CHRM5: variants seen among roughly 807,000 people sequenced by gnomAD.
CHRM5 encodes the protein muscarinic acetylcholine receptor M5.
CHRM5 carries 18 observed loss-of-function variants against 39.0 expected under a neutral mutation model. The ratio of observed to expected loss-of-function variants is 0.46; its 90% confidence interval spans 0.32 to 0.68. The LOEUF (loss-of-function observed/expected upper bound fraction) is 0.68. Among genes scored for constraint, CHRM5 ranks in the 30% least tolerant of loss-of-function variants. The probability of loss-of-function intolerance (pLI) is 0.04; values close to 1 mark genes in which losing one functional copy is unlikely to be tolerated. For missense variants in CHRM5, 515 were observed against 651.1 expected (o/e 0.79, Z 2.28); for synonymous variants, 241 against 246.3 (o/e 0.98, Z 0.20).
chr15:33,985,516 G>A (rs554538841), intron 1 of CHRM5, among the ~76,000 whole-genome samples: 13 of 151,902 alleles, frequency 8.6e-5, no homozygotes, highest in Non-Finnish European at 1.6e-4. Flanking sequence ...TTGCTTGCTG[G>A]AAACACAACT....
At chr15:34,048,022 CGT>C (rs71119921) in intron 2 of CHRM5, among the ~76,000 whole-genome samples, 4 of 151,354 alleles carry the variant, frequency 2.6e-5, no homozygotes, top group African/African-American at 4.8e-5. Context: ...ACGTCCAGCT[CGT>C]GTGTGTGTGT....
Position 33,974,899 on chromosome 15 carries a change from G to C in CHRM5, c.-408+5749G>C, listed in dbSNP as rs749514586. ...GGGCCGGAGAATCGCTTGAACCCAG[G>C]AGGTGGAGCTTGCAGTGAGCCAAGA... On this transcript the variant is annotated intron_variant, in intron 1 of 2. Transcript: ENST00000383263. Among the ~76,000 whole-genome samples, 3 of 152,206 alleles carry C rather than the reference G, an allele frequency of 2.0e-5. No individual in the cohort carries two copies. In the South Asian group the frequency reaches 6.2e-4, roughly 32 times the overall value.
At chr15:33,988,001 C>T (rs1229971661) in intron 1 of CHRM5, among the ~76,000 whole-genome samples, 2 of 152,218 alleles carry the variant, frequency 1.3e-5, no homozygotes, top group Non-Finnish European at 2.9e-5. Context: ...GACCAACTTC[C>T]ATAGGCCAAA....
In CHRM5 at chr15:34,064,371, A is replaced by T. The variant is rs1900455894; in HGVS notation, c.*55A>T. 1 of 1,520,370 alleles carries T rather than the reference A, an allele frequency of 6.6e-7. No homozygotes were observed. The allele number at this position is 1,520,370 out of a possible 1,614,324, so 94.2% of individuals were successfully genotyped here. On this transcript the variant is annotated 3_prime_UTR_variant, in exon 3 of 3. Coordinates refer to ENST00000383263, the MANE Select transcript of CHRM5 (RefSeq NM_012125.4). ...TGACCACAGTCAACATCCTCTGAGG[A>T]TGAGCAAGCTGATTCTGGTTTGTAT...
At chr15:34,037,120 A>G (rs76418984) in intron 1 of CHRM5, among the ~76,000 whole-genome samples, 1 of 150,686 alleles carries the variant, frequency 6.6e-6, no homozygotes, top group Non-Finnish European at 1.5e-5. Flanking sequence ...AAAAAAAAAA[A>G]AAAAATATAT....
At chr15:33,985,561 G>A (rs1346644458) in intron 1 of CHRM5, among the ~76,000 whole-genome samples, 1 of 151,922 alleles carries the variant, frequency 6.6e-6, no homozygotes, top group East Asian at 1.9e-4. Context: ...TCAGAGCCTT[G>A]CATTCTTGAC....
chr15:34,011,159 T>C (rs1442007866), intron 1 of CHRM5, among the ~76,000 whole-genome samples: 1 of 152,026 alleles, frequency 6.6e-6, no homozygotes, highest in Non-Finnish European at 1.5e-5. Context: ...GCCACTGCAC[T>C]CCAGCCTGGG....
At chr15:34,004,854 T>A (rs1463505982) in intron 1 of CHRM5, among the ~76,000 whole-genome samples, 2 of 152,112 alleles carry the variant, frequency 1.3e-5, no homozygotes, top group East Asian at 3.8e-4. Context: ...GAGATGCATG[T>A]AGAATCTAAA....
At chr15:34,021,169 T>C (rs2632107) in intron 1 of CHRM5, among the ~76,000 whole-genome samples, 95,280 of 152,076 alleles carry the variant, frequency 0.63, 34,871 homozygotes, top group Non-Finnish European at 0.82. Context: ...AATTTTTCTA[T>C]GAAAAAATTG....
In CHRM5 at chr15:34,063,568, C is replaced by A. The variant is rs1395929593; in HGVS notation, c.851C>A (p.Pro284Gln). Residue 284 changes from proline (P) to glutamine (Q), a missense_variant, in exon 3 of 3, where the codon CCA becomes CAA. Transcript: ENST00000383263. The surrounding 1 kb of genome is among the most constrained non-coding windows in gnomAD (Gnocchi z 4.1). ...SRRSTSTTGK[P>Q]SQATGPSANW... Reference sequence around the variant, plus strand: ...AGGAGCACCTCCACCACTGGGAAGCCATCCCAAGCCACTGGCCCAAGCGCC... The same window carrying A: ...AGGAGCACCTCCACCACTGGGAAGCAATCCCAAGCCACTGGCCCAAGCGCC... The A allele has an allele frequency of 3.1e-6, 5 of 1,613,688 alleles. No homozygotes were observed. The highest frequency in any genetic ancestry group is 3.4e-6 in the Non-Finnish European group (4 of 1,180,012).
At chr15:34,025,712 G>GA (rs200928981) in intron 1 of CHRM5, among the ~76,000 whole-genome samples, 9 of 151,708 alleles carry the variant, frequency 5.9e-5, no homozygotes, top group Non-Finnish European at 1.3e-4. Flanking sequence ...AGGTTCAGAA[G>GA]AAAAAAAAAT....
At chr15:34,014,793 G>C (rs1247430148) in intron 1 of CHRM5, among the ~76,000 whole-genome samples, 4 of 152,234 alleles carry the variant, frequency 2.6e-5, no homozygotes, top group African/African-American at 7.2e-5. Flanking sequence ...TGAAGGAGCT[G>C]AGAATGTGGC....
intron 1 of CHRM5, among the ~76,000 whole-genome samples, chr15:34,035,976 T>A (rs961948645): frequency 1.2e-4 from 18 of 152,024 alleles, no homozygotes; most frequent in Non-Finnish European, 1.6e-4. Flanking sequence ...GTATTTTTTT[T>A]ATAGAGAGGG....
At chr15:34,049,305 A>G (rs1162564798) in intron 2 of CHRM5, among the ~76,000 whole-genome samples, 4 of 152,192 alleles carry the variant, frequency 2.6e-5, no homozygotes, top group Non-Finnish European at 5.9e-5. Flanking sequence ...GCTATGAATC[A>G]TGAGAAAACA....
chr15:34,049,557 A>C, intron 2 of CHRM5, among the ~76,000 whole-genome samples: 1 of 152,224 alleles, frequency 6.6e-6, no homozygotes, highest in East Asian at 1.9e-4. Flanking sequence ...CCCATGACTG[A>C]TTGGGGTACC....
intron 1 of CHRM5, among the ~76,000 whole-genome samples, chr15:34,008,979 C>CA (rs1233898744): frequency 1.4e-5 from 2 of 144,826 alleles, no homozygotes; most frequent in Non-Finnish European, 3.1e-5. Context: ...CACACACAGA[C>CA]CATCGAGAAA....
intron 1 of CHRM5, among the ~76,000 whole-genome samples, chr15:34,008,914 TTAAGA>T (rs139308033): frequency 0.075 from 11,347 of 150,816 alleles, 549 homozygotes; most frequent in South Asian, 0.21. Context: ...CTCCATTTTG[TTAAGA>T]TAAAATTAAA....
rs1399753646 is a variant in CHRM5 at position 34,039,195 on chromosome 15, C to G, written c.-407-7345C>G. On this transcript the variant is annotated intron_variant, in intron 1 of 2. Coordinates refer to ENST00000383263, the MANE Select transcript of CHRM5 (RefSeq NM_012125.4). ...GGGGTGCGGGGCTAGGGATCGAGGC[C>G]GGCCGCAGCGGAGCGGGGCGGGGCG... The G allele has an allele frequency of 4.7e-6, 3 of 635,736 alleles. No individual in the cohort carries two copies. In the South Asian group the frequency reaches 2.1e-4, roughly 45 times the overall value. 39.4% of individuals were successfully genotyped at this position (635,736 alleles called of 1,614,324 possible).
chr15:34,038,269 C>T (rs1597378609), intron 1 of CHRM5, among the ~76,000 whole-genome samples: 1 of 152,204 alleles, frequency 6.6e-6, no homozygotes, highest in South Asian at 2.1e-4. Context: ...GTCATTCTTT[C>T]ACTCAACAAA....
Sources: allele counts gnomAD v4.1 joint callset (sites outside exome capture counted in the v4.1 genomes callset), GRCh38; gene constraint gnomAD v4.1.1; non-coding constraint Gnocchi (gnomAD v3.1); transcripts MANE v1.5; gene names NCBI Gene and HGNC (gene_info 2026-07-23, HGNC 2026-07-21).